ANKS1A: variants seen among roughly 807,000 people sequenced by gnomAD.
ANKS1A encodes ankyrin repeat and SAM domain-containing protein 1A.
A neutral mutation model predicts 120.3 loss-of-function variants in ANKS1A; 55 were observed. That is an observed-to-expected ratio of 0.46 (90% confidence interval 0.37 to 0.57). The LOEUF (loss-of-function observed/expected upper bound fraction) is 0.57. ANKS1A is among the 20% of genes least tolerant of loss of function. The pLI, the probability that ANKS1A is intolerant of heterozygous loss-of-function variation, is 0.00. For missense variants in ANKS1A, 1,123 were observed against 1,480.3 expected (o/e 0.76, Z 3.96); for synonymous variants, 590 against 604.7 (o/e 0.98, Z 0.36).
At chr6:34,915,245 C>T (rs1395414503) in intron 1 of ANKS1A, among the ~76,000 whole-genome samples, 2 of 152,168 alleles carry the variant, frequency 1.3e-5, no homozygotes, top group Non-Finnish European at 2.9e-5. Flanking sequence ...TAGGTCAGTG[C>T]CATGGGCTTG....
Position 35,090,999 on chromosome 6 carries a change from G to C in ANKS1A, c.*2390G>C, listed in dbSNP as rs1350224967. On this transcript the variant is annotated 3_prime_UTR_variant, in exon 24 of 24. Coordinates refer to ENST00000360359, the MANE Select transcript of ANKS1A (RefSeq NM_015245.3). ...TCCCGAGATGCTCGGGTTTGAGCAG[G>C]GAGCAGGCAGAGCTGCAGTCAGAGA... 1 of 985,786 alleles carries C rather than the reference G, an allele frequency of 1.0e-6. No individual in the cohort carries two copies. Among genetic ancestry groups the C allele is most frequent in the Non-Finnish European group, 1.2e-6 (1 of 829,964 alleles). The allele number at this position is 985,786 out of a possible 1,614,324, so 61.1% of individuals were successfully genotyped here. A position where few individuals can be genotyped will look rare whatever the true frequency, so the allele number is the denominator to read the frequency against.
At chr6:34,909,210 G>T (rs1767790170) in intron 1 of ANKS1A, among the ~76,000 whole-genome samples, 1 of 152,102 alleles carries the variant, frequency 6.6e-6, no homozygotes, top group African/African-American at 2.4e-5. Flanking sequence ...GCAGGGCAGG[G>T]TCTGTATGTG....
intron 1 of ANKS1A, among the ~76,000 whole-genome samples, chr6:34,954,974 A>T (rs987572941): frequency 3.3e-5 from 5 of 152,076 alleles, no homozygotes; most frequent in Non-Finnish European, 7.4e-5. Flanking sequence ...TCCTTCAAGT[A>T]TATCACAGCT....
At position 35,084,008 on chromosome 6, in the gene ANKS1A, G is replaced by T; in HGVS notation, c.2995-113G>T. On this transcript the variant is annotated intron_variant, in intron 20 of 23. Coordinates refer to ENST00000360359, the MANE Select transcript of ANKS1A (RefSeq NM_015245.3). This position sits in a 1 kb window ranked among gnomAD's most constrained non-coding sequence, Gnocchi z 4.8. ...AAAATGAGAAGATGAAGGGGGGTTT[G>T]CTTGATGCTCTAGGCTGGGACAGAG... The T allele has an allele frequency of 6.7e-7, 1 of 1,491,636 alleles. No homozygotes were observed. Among genetic ancestry groups the T allele is most frequent in the Non-Finnish European group, 9.1e-7 (1 of 1,102,572 alleles). The allele number at this position is 1,491,636 out of a possible 1,614,324, so 92.4% of individuals were successfully genotyped here. A position where few individuals can be genotyped will look rare whatever the true frequency, so the allele number is the denominator to read the frequency against.
At chr6:34,965,083 G>T (rs1770828675) in intron 1 of ANKS1A, among the ~76,000 whole-genome samples, 1 of 152,154 alleles carries the variant, frequency 6.6e-6, no homozygotes, top group Non-Finnish European at 1.5e-5. Context: ...CTCTATCTGT[G>T]TAGGGTGGGA....
At chr6:34,967,559 G>A (rs1268123759) in intron 2 of ANKS1A, among the ~76,000 whole-genome samples, 1 of 151,632 alleles carries the variant, frequency 6.6e-6, no homozygotes, top group South Asian at 2.1e-4. Flanking sequence ...AATTAATCAG[G>A]CGTGGTAGCA....
rs77181708 is a variant in ANKS1A at position 34,906,215 on chromosome 6, G to A, written c.197+16616G>A. ...GAGGTCCAAGGAAAGGTGCATCAGTGTGTCTTAAAACATCTGCAGAGTTAG... is the reference window on the plus strand; with the variant it reads ...GAGGTCCAAGGAAAGGTGCATCAGTATGTCTTAAAACATCTGCAGAGTTAG... On this transcript the variant is annotated intron_variant, in intron 1 of 23. Transcript: ENST00000360359. 7.2e-4 allele frequency among the ~76,000 whole-genome samples: 109 copies of A among 152,274 alleles called. 1 individual carries two copies. In the East Asian group the frequency reaches 0.014, roughly 19 times the overall value.
chr6:35,061,921 A>C (rs1398145867), intron 13 of ANKS1A, among the ~76,000 whole-genome samples: 2 of 152,158 alleles, frequency 1.3e-5, no homozygotes, highest in Non-Finnish European at 2.9e-5. Context: ...CAGATGGGCA[A>C]GTGAGGGTGG....
chr6:35,093,858 C>G (rs1322403109), downstream of ANKS1A, among the ~76,000 whole-genome samples: 1 of 152,234 alleles, frequency 6.6e-6, no homozygotes, highest in Non-Finnish European at 1.5e-5. Context: ...TCAGCAAAGG[C>G]CAAGACCTCT....
intron 1 of ANKS1A, among the ~76,000 whole-genome samples, chr6:34,935,922 C>T (rs1416059277): frequency 3.3e-5 from 5 of 150,788 alleles, no homozygotes; most frequent in Non-Finnish European, 5.9e-5. Context: ...ATTAGCCGGG[C>T]GTAGTGGCGG....
At chr6:34,937,618 G>C (rs1318374232) in intron 1 of ANKS1A, among the ~76,000 whole-genome samples, 1 of 152,068 alleles carries the variant, frequency 6.6e-6, no homozygotes, top group Non-Finnish European at 1.5e-5. Context: ...AAACTGTGCT[G>C]GTTTAGAGAA....
intron 1 of ANKS1A, among the ~76,000 whole-genome samples, chr6:34,902,907 T>C (rs1433623300): frequency 6.6e-6 from 1 of 152,222 alleles, no homozygotes; most frequent in South Asian, 2.1e-4. Context: ...CTTTAACATA[T>C]GTTCTTTTGT....
intron 10 of ANKS1A, among the ~76,000 whole-genome samples, chr6:35,008,062 C>T (rs1400981984): frequency 6.6e-6 from 1 of 152,124 alleles, no homozygotes; most frequent in East Asian, 1.9e-4. Context: ...AAAATAGGTA[C>T]CTGTGTTCGA....
intron 11 of ANKS1A, among the ~76,000 whole-genome samples, chr6:35,024,041 A>C (rs886945761): frequency 8.5e-5 from 13 of 152,212 alleles, no homozygotes; most frequent in Non-Finnish European, 2.9e-5. Flanking sequence ...GACATCTCCA[A>C]ATAAAAATAT....
intron 10 of ANKS1A, among the ~76,000 whole-genome samples, chr6:35,006,493 G>A (rs576312183): frequency 1.2e-4 from 18 of 151,922 alleles, no homozygotes; most frequent in South Asian, 4.2e-4. Flanking sequence ...GGTGGCTCAC[G>A]CCTGTAATCC....
chr6:34,973,858 GC>G (rs1771312513), intron 3 of ANKS1A, among the ~76,000 whole-genome samples: 1 of 28,284 alleles, frequency 3.5e-5, no homozygotes, highest in African/African-American at 1.7e-4. Flanking sequence ...CCTTCCCCTT[GC>G]CCTCCCCTTC....
chr6:34,973,870 C>A (rs1465523184), intron 3 of ANKS1A, among the ~76,000 whole-genome samples: 17 of 104,800 alleles, frequency 1.6e-4, no homozygotes, highest in African/African-American at 6.0e-4. Context: ...CCTCCCCTTC[C>A]CTTCCCCTTC....
chr6:34,920,520 C>G (rs1384976961), intron 1 of ANKS1A, among the ~76,000 whole-genome samples: 1 of 152,134 alleles, frequency 6.6e-6, no homozygotes, highest in Admixed American at 6.6e-5. Context: ...TGGATAGACT[C>G]AGCCTTCATT....
intron 1 of ANKS1A, among the ~76,000 whole-genome samples, chr6:34,930,111 T>G (rs1379858315): frequency 6.6e-6 from 1 of 152,224 alleles, no homozygotes; most frequent in African/African-American, 2.4e-5. Context: ...CATCCTGTTA[T>G]GCCAATGGGT....
Sources: allele counts gnomAD v4.1 joint callset (sites outside exome capture counted in the v4.1 genomes callset), GRCh38; gene constraint gnomAD v4.1.1; non-coding constraint Gnocchi (gnomAD v3.1); transcripts MANE v1.5; gene names NCBI Gene and HGNC (gene_info 2026-07-23, HGNC 2026-07-21).